SPATA17: variants seen among roughly 807,000 people sequenced by gnomAD.
SPATA17 encodes the protein spermatogenesis-associated protein 17.
Under a neutral mutation model 62.2 loss-of-function variants are expected in SPATA17, and 53 were observed. The observed-to-expected ratio is 0.85, with a 90% CI of 0.68 to 1.07. The LOEUF (loss-of-function observed/expected upper bound fraction) is 1.07, where lower values mean the gene tolerates loss of function less well. SPATA17 is among the 50% of genes least tolerant of loss of function. The probability of loss-of-function intolerance (pLI) is 0.00; values close to 1 mark genes in which losing one functional copy is unlikely to be tolerated. For missense variants in SPATA17, 466 were observed against 425.5 expected, an observed-to-expected ratio of 1.10 and a Z score of -0.84; for synonymous variants, 146 against 146.8, an observed-to-expected ratio of 0.99 and a Z score of 0.04.
intron 9 of SPATA17, among the ~76,000 whole-genome samples, chr1:217,851,267 T>C (rs1238774131): frequency 6.6e-6 from 1 of 151,930 alleles, no homozygotes; most frequent in Non-Finnish European, 1.5e-5. Flanking sequence ...TATCCTATAA[T>C]TACAAAAAAA....
At chr1:217,732,911 T>C (rs950402284) in intron 5 of SPATA17, among the ~76,000 whole-genome samples, 1 of 152,150 alleles carries the variant, frequency 6.6e-6, no homozygotes, top group African/African-American at 2.4e-5. Flanking sequence ...ACTCTCTAGA[T>C]GATAAAAAGA....
intron 5 of SPATA17, among the ~76,000 whole-genome samples, chr1:217,694,587 T>C (rs1476644975): frequency 1.4e-5 from 2 of 147,298 alleles, no homozygotes; most frequent in African/African-American, 5.0e-5. Flanking sequence ...CTTCCTAGTC[T>C]TGATGGTCTT....
At chr1:217,683,696 T>C (rs1434701091) in intron 5 of SPATA17, among the ~76,000 whole-genome samples, 1 of 152,126 alleles carries the variant, frequency 6.6e-6, no homozygotes, top group Non-Finnish European at 1.5e-5. Flanking sequence ...CGCCTCGGCC[T>C]CCCAAAGTGC....
At chr1:217,853,251 G>A (rs1052116618) in intron 9 of SPATA17, among the ~76,000 whole-genome samples, 7 of 151,894 alleles carry the variant, frequency 4.6e-5, no homozygotes, top group African/African-American at 1.5e-4. Context: ...ATAATGCTTC[G>A]CTTATTCATT....
intron 5 of SPATA17, among the ~76,000 whole-genome samples, chr1:217,738,728 G>T (rs555243594): frequency 3.5e-4 from 54 of 152,328 alleles, no homozygotes; most frequent in African/African-American, 1.3e-3. Context: ...AAGGCTGGTG[G>T]ATTACCTGAG....
At chr1:217,831,736 G>C (rs918250944) in intron 9 of SPATA17, among the ~76,000 whole-genome samples, 2 of 152,078 alleles carry the variant, frequency 1.3e-5, no homozygotes, top group Non-Finnish European at 2.9e-5. Flanking sequence ...AAGCATGTCT[G>C]TCCAAATTTC....
chr1:217,852,121 C>A (rs534347499), intron 9 of SPATA17, among the ~76,000 whole-genome samples: 3 of 152,162 alleles, frequency 2.0e-5, no homozygotes, highest in Non-Finnish European at 2.9e-5. Context: ...GATCACTTTT[C>A]CTCACCAGAG....
chr1:217,862,720 AT>A, intron 9 of SPATA17, 53 bp from the exon 10 acceptor site: 1 of 1,249,738 alleles, frequency 8.0e-7, no homozygotes, highest in Non-Finnish European at 1.2e-6. Context: ...AATAATGGTA[AT>A]AACATAAAAT....
chr1:217,639,261 A>G lies in SPATA17; in HGVS notation c.68+7815A>G, dbSNP rs138606947. ...AGGAAATGAATGCCCTTTCTGCTCA[A>G]CACAGGAACCCAAAAGACACAAAAA... On this transcript the variant is annotated intron_variant, in intron 1 of 10. Coordinates refer to ENST00000366933, the MANE Select transcript of SPATA17 (RefSeq NM_138796.4). 3.9e-3 allele frequency among the ~76,000 whole-genome samples: 592 copies of G among 152,262 alleles called. 1 individual carries two copies. Among genetic ancestry groups the G allele is most frequent in the African/African-American group, 0.014 (567 of 41,566 alleles).
chr1:217,844,783 A>C (rs1046094135), intron 9 of SPATA17, among the ~76,000 whole-genome samples: 11 of 152,146 alleles, frequency 7.2e-5, no homozygotes, highest in Admixed American at 4.6e-4. Context: ...GAGTATGTCT[A>C]GAATACCAGG....
intron 9 of SPATA17, among the ~76,000 whole-genome samples, chr1:217,815,965 A>T (rs1172641340): frequency 6.6e-6 from 1 of 152,248 alleles, no homozygotes; most frequent in South Asian, 2.1e-4. Context: ...TAATACTTCC[A>T]TTATGTATTA....
At chr1:217,711,150 T>G (rs1181731217) in intron 5 of SPATA17, among the ~76,000 whole-genome samples, 1 of 152,186 alleles carries the variant, frequency 6.6e-6, no homozygotes, top group Admixed American at 6.5e-5. Flanking sequence ...TTCTTTTAAT[T>G]TTTATTTTTG....
Position 217,801,725 on chromosome 1 carries a change from C to A in SPATA17, c.880C>A (p.Pro294Thr). 1 of 1,593,942 alleles carries A rather than the reference C, an allele frequency of 6.3e-7. No individual in the cohort carries two copies. Among genetic ancestry groups the A allele is most frequent in the South Asian group, 1.1e-5 (1 of 87,480 alleles). ...LQNVNDNMFL[P>T]FSSYHKNEKY... is the part of the protein sequence containing the mutation. The stretch of plus-strand genomic sequence containing the variant: ...CTTAAATATTTCTTTCAGGTTTTTG[C>A]CATTTTCTTCATACCATAAAAATGA... Residue 294 changes from proline to threonine, a missense_variant, in exon 9 of 11, where the codon CCA (proline) becomes ACA (threonine). Pro to Thr is a conservative substitution (Grantham distance 38). Transcript: ENST00000366933.
intron 3 of SPATA17, among the ~76,000 whole-genome samples, chr1:217,668,629 G>C (rs1401846627): frequency 6.6e-6 from 1 of 152,096 alleles, no homozygotes; most frequent in Non-Finnish European, 1.5e-5. Context: ...CATTAAACCA[G>C]ACGTCTTGAA....
chr1:217,781,196 A>C (rs1156430109), intron 7 of SPATA17: 1 of 152,162 alleles, frequency 6.6e-6, no homozygotes, highest in Non-Finnish European at 1.5e-5. Context: ...AGTGAACATA[A>C]ATGAGGCGTG....
chr1:217,802,153 A>T (rs1451418423), intron 9 of SPATA17, among the ~76,000 whole-genome samples: 1 of 152,114 alleles, frequency 6.6e-6, no homozygotes, highest in Admixed American at 6.6e-5. Flanking sequence ...AATGGAGTTA[A>T]GCTAACTCTC....
At chr1:217,699,539 T>A (rs987372087) in intron 5 of SPATA17, among the ~76,000 whole-genome samples, 2 of 152,226 alleles carry the variant, frequency 1.3e-5, no homozygotes, top group Non-Finnish European at 2.9e-5. Flanking sequence ...TTTTGCCCAT[T>A]TTCTAATTAG....
chr1:217,722,543 CTTT>C (rs1672158094), intron 5 of SPATA17, among the ~76,000 whole-genome samples: 1 of 152,096 alleles, frequency 6.6e-6, no homozygotes, highest in Non-Finnish European at 1.5e-5. Flanking sequence ...CAGACAAGCA[CTTT>C]TAGAGAATAA....
intron 9 of SPATA17, among the ~76,000 whole-genome samples, chr1:217,808,385 C>A (rs74142815): frequency 0.11 from 5,496 of 48,274 alleles, 188 homozygotes; most frequent in African/African-American, 0.17. Flanking sequence ...ACACACACCC[C>A]CCTCAGAATT....
Sources: gnomAD v4.1 joint callset for allele counts (sites outside exome capture counted in the v4.1 genomes callset) on GRCh38, gnomAD v4.1.1 for gene constraint, MANE v1.5 for transcripts, NCBI Gene and HGNC (gene_info 2026-07-23, HGNC 2026-07-21) for gene names.